Variants in ENAH observed in about 807,000 individuals in gnomAD.
ENAH encodes ENAH actin regulator, also known as protein enabled homolog.
A neutral mutation model predicts 78.7 loss-of-function variants in ENAH; 23 were observed. That is an observed-to-expected ratio of 0.29 (90% CI 0.21 to 0.41). The LOEUF (loss-of-function observed/expected upper bound fraction) is 0.41, where lower values mean the gene tolerates loss of function less well. Among genes scored for constraint, ENAH ranks in the 10% least tolerant of loss-of-function variants. The pLI is 1.00. For synonymous variants in ENAH, 226 were observed against 241.0 expected (o/e 0.94, Z 0.58); for missense variants, 544 against 691.0 (o/e 0.79, Z 2.39).
At chr1:225,618,587 T>C (rs1656235740) in intron 1 of ENAH, among the ~76,000 whole-genome samples, 1 of 152,220 alleles carries the variant, frequency 6.6e-6, no homozygotes, top group Non-Finnish European at 1.5e-5. Flanking sequence ...CTCAGAACTG[T>C]CTCCACCCAT....
intron 1 of ENAH, among the ~76,000 whole-genome samples, chr1:225,643,746 G>A (rs1289895031): frequency 1.3e-5 from 2 of 151,954 alleles, no homozygotes. Flanking sequence ...GACCAGCCTG[G>A]GCAACATAGC....
At chr1:225,517,918 G>T (rs1224402348) in intron 5 of ENAH, 1 of 1,550,662 alleles carries the variant, frequency 6.4e-7, no homozygotes, top group East Asian at 2.4e-5. Flanking sequence ...TGATGGAGGA[G>T]GTGCTGAAGG....
At chr1:225,553,530 CTTAA>C (rs890673000) in intron 3 of ENAH, among the ~76,000 whole-genome samples, 3 of 151,230 alleles carry the variant, frequency 2.0e-5, no homozygotes, top group African/African-American at 7.3e-5. Context: ...ACTTTGGTAC[CTTAA>C]TTATTTATCA....
intron 5 of ENAH, among the ~76,000 whole-genome samples, chr1:225,518,755 T>C (rs2096441942): frequency 6.6e-6 from 1 of 152,204 alleles, no homozygotes; most frequent in Non-Finnish European, 1.5e-5. Flanking sequence ...TCTTAGAGAA[T>C]ATTTCTCTAA....
In ENAH at chr1:225,492,123, C is replaced by A. The variant is rs1486480294; in HGVS notation, c.*5652G>T. On this transcript the variant is annotated 3_prime_UTR_variant, in exon 14 of 14. Transcript: ENST00000366843. ...TTTTAGAGACAGGTTCTCGCTCTGT[C>A]ACCCAGGCTGGAGTACAGTGGCATG... 1 of 148,508 alleles carries A rather than the reference C, an allele frequency of 6.7e-6. No individual in the cohort carries two copies. The highest frequency in any genetic ancestry group is 2.5e-5 in the African/African-American group (1 of 40,070). The allele number at this position is 148,508 out of a possible 1,614,324, so 9.2% of individuals were successfully genotyped here.
intron 2 of ENAH, among the ~76,000 whole-genome samples, chr1:225,556,284 A>T (rs2096666379): frequency 6.6e-6 from 1 of 152,222 alleles, no homozygotes; most frequent in South Asian, 2.1e-4. Flanking sequence ...GAAAATTCCA[A>T]GTAGCTTTCC....
At chr1:225,608,902 C>T (rs887713372) in intron 1 of ENAH, among the ~76,000 whole-genome samples, 1 of 149,192 alleles carries the variant, frequency 6.7e-6, no homozygotes, top group Middle Eastern at 3.5e-3. Flanking sequence ...AGAAACAAGT[C>T]ACTTGAGTAA....
chr1:225,567,158 T>C (rs2096738858), intron 2 of ENAH, 91 bp downstream of exon 2: 4 of 1,397,524 alleles, frequency 2.9e-6, no homozygotes, highest in Admixed American at 2.3e-5. Context: ...CTATTTTGAT[T>C]ACAGTTTTAA....
intron 5 of ENAH, among the ~76,000 whole-genome samples, chr1:225,518,527 A>G (rs2096440449): frequency 6.6e-6 from 1 of 152,090 alleles, no homozygotes; most frequent in African/African-American, 2.4e-5. Flanking sequence ...AACTTAATAA[A>G]CCAACCAACC....
intron 11 of ENAH, among the ~76,000 whole-genome samples, chr1:225,507,339 A>G (rs2096340322): frequency 6.6e-6 from 1 of 151,992 alleles, no homozygotes; most frequent in Non-Finnish European, 1.5e-5. Flanking sequence ...AATTATATAT[A>G]TACATAAATA....
At chr1:225,517,585 C>T (rs1262053825) in intron 5 of ENAH, 38 of 1,550,926 alleles carry the variant, frequency 2.5e-5, no homozygotes, top group Non-Finnish European at 3.3e-5. Context: ...AGTAGCTTTG[C>T]CTGGGGGGCT....
chr1:225,652,666 C>G lies in ENAH; in HGVS notation c.5+20G>C. ...CGCGGCACAATGGCCCGCCCGGCCC[C>G]CGCCCCGCGCGCCCCTCACCTCATG... is the stretch of plus-strand genomic sequence containing the variant. On this transcript the variant is annotated intron_variant, in intron 1 of 13. Coordinates refer to ENST00000366843, the MANE Select transcript of ENAH (RefSeq NM_018212.6). The G allele has an allele frequency of 1.6e-6, 2 of 1,277,212 alleles. No individual in the cohort carries two copies. The highest frequency in any genetic ancestry group is 2.0e-6 in the Non-Finnish European group (2 of 1,011,608). 79.1% of individuals were successfully genotyped at this position (1,277,212 alleles called of 1,614,324 possible).
rs928281132 is a variant in ENAH, at chr1:225,608,815, C to CAAA, written c.6-41404_6-41402dup. 7.5e-3 allele frequency among the ~76,000 whole-genome samples: 155 copies of CAAA among 20,616 alleles called. 9 individuals carry two copies. Among genetic ancestry groups the CAAA allele is most frequent in the South Asian group, 0.035 (14 of 396 alleles). The allele number at this position is 20,616 out of a possible 152,430, so 13.5% of individuals were successfully genotyped here. A position where few individuals can be genotyped will look rare whatever the true frequency, so the allele number is the denominator to read the frequency against. On this transcript the variant is annotated intron_variant, in intron 1 of 13. Transcript: ENST00000366843. ...TGGGCGACAGAGCGAGACTCTGTCTCAAAAAAAAAAAAAAAAAAAAAAAAA... is the reference window on the plus strand; with the variant it reads ...TGGGCGACAGAGCGAGACTCTGTCTCAAAAAAAAAAAAAAAAAAAAAAAAAAAA...
intron 1 of ENAH, among the ~76,000 whole-genome samples, chr1:225,621,012 GA>G (rs974510245): frequency 1.3e-5 from 2 of 151,420 alleles, no homozygotes; most frequent in African/African-American, 4.8e-5. Context: ...CAAAAAAAAA[GA>G]AAAAAAAGTG....
chr1:225,616,571 AT>A (rs149312463), intron 1 of ENAH, among the ~76,000 whole-genome samples: 2,578 of 152,156 alleles, frequency 0.017, 29 homozygotes, highest in Non-Finnish European at 0.029. Context: ...TATATATAGT[AT>A]TTATAATTAT....
chr1:225,552,134 C>CTTTTTT (rs397983036), intron 3 of ENAH, among the ~76,000 whole-genome samples: 2,868 of 115,872 alleles, frequency 0.025, 112 homozygotes, highest in South Asian at 0.07. Flanking sequence ...ACTCCTGATT[C>CTTTTTT]TTTTTTTTTT....
intron 1 of ENAH, among the ~76,000 whole-genome samples, chr1:225,584,408 G>A (rs975412221): frequency 6.6e-6 from 1 of 151,982 alleles, no homozygotes; most frequent in Admixed American, 6.6e-5. Flanking sequence ...ATGCAAAGAG[G>A]TATAGCAAAA....
intron 11 of ENAH, among the ~76,000 whole-genome samples, chr1:225,501,724 G>T (rs2096283222): frequency 6.6e-6 from 1 of 152,064 alleles, no homozygotes; most frequent in South Asian, 2.1e-4. Flanking sequence ...TGTGTTTCAG[G>T]CTAACTACTT....
chr1:225,567,100 AGAAAGG>A, intron 2 of ENAH, 143 bp downstream of exon 2: 1 of 763,680 alleles, frequency 1.3e-6, no homozygotes. Flanking sequence ...CATAAAAGGT[AGAAAGG>A]GTGGAGAGAC....
Sources: allele counts gnomAD v4.1 joint callset (sites outside exome capture counted in the v4.1 genomes callset), GRCh38; gene constraint gnomAD v4.1.1; transcripts MANE v1.5; gene names NCBI Gene and HGNC (gene_info 2026-07-23, HGNC 2026-07-21).